MBNL3: variants seen among roughly 807,000 people sequenced by gnomAD.
MBNL3 encodes the protein muscleblind like splicing regulator 3.
In MBNL3, 6 loss-of-function variants were observed where a neutral mutation model predicts 24.5. That is an observed-to-expected ratio of 0.25 (90% CI 0.13 to 0.48). The LOEUF (loss-of-function observed/expected upper bound fraction) is 0.48. Ranked by LOEUF, MBNL3 falls within the 20% of genes least tolerant of loss-of-function variation. The pLI is 0.99. For synonymous variants in MBNL3, 100 were observed against 101.7 expected (o/e 0.98, Z 0.10); for missense variants, 230 against 293.5 (o/e 0.78, Z 1.58).
At chrX:132,438,407 A>T (rs1266660394) in intron 2 of MBNL3, among the ~76,000 whole-genome samples, 1 of 111,382 alleles carries the variant, frequency 9.0e-6, no homozygotes, top group East Asian at 2.8e-4. Context: ...ACACGAAGGG[A>T]TACATCTCTG....
At chrX:132,395,045 A>G (rs1185948890) in intron 3 of MBNL3, among the ~76,000 whole-genome samples, 1 of 111,930 alleles carries the variant, frequency 8.9e-6, no homozygotes, top group East Asian at 2.8e-4. Context: ...AATGCATTCT[A>G]TAACACTGTT....
chrX:132,389,649 G>GT (rs1180736725), intron 5 of MBNL3, among the ~76,000 whole-genome samples: 1 of 110,947 alleles, frequency 9.0e-6, no homozygotes, highest in Non-Finnish European at 1.9e-5. Context: ...GAGGTTTCCT[G>GT]TGGGTTTTGT....
chrX:132,420,652 T>C (rs1358190551), intron 2 of MBNL3, among the ~76,000 whole-genome samples: 2 of 111,022 alleles, frequency 1.8e-5, no homozygotes, highest in African/African-American at 3.3e-5. Flanking sequence ...TGAGCTAAGT[T>C]GCAAGCCCCG....
At chrX:132,437,878 A>AT (rs1355676716) in intron 2 of MBNL3, 2 of 595,316 alleles carry the variant, frequency 3.4e-6, no homozygotes, top group Non-Finnish European at 4.0e-6. Flanking sequence ...CAATTCAGAG[A>AT]TTTTCAATGG....
chrX:132,479,910 T>G (rs755040447), intron 1 of MBNL3, among the ~76,000 whole-genome samples: 38 of 111,362 alleles, frequency 3.4e-4, no homozygotes, highest in Non-Finnish European at 6.4e-4. Context: ...CGCTGTCACA[T>G]AGCCTCCTTT....
chrX:132,473,752 A>G (rs1389516730), intron 1 of MBNL3, among the ~76,000 whole-genome samples: 1 of 111,941 alleles, frequency 8.9e-6, no homozygotes, highest in Non-Finnish European at 1.9e-5. Context: ...TCCACCTAGT[A>G]TATCTTTTTT....
chrX:132,383,598 T>C (rs753577275), intron 7 of MBNL3, among the ~76,000 whole-genome samples: 35 of 112,585 alleles, frequency 3.1e-4, no homozygotes, highest in African/African-American at 1.1e-3. Flanking sequence ...ATTGTGCTCC[T>C]GTTGGTATTA....
chrX:132,386,202 TTAATC>T (rs1468740219), intron 6 of MBNL3, among the ~76,000 whole-genome samples: 1 of 112,298 alleles, frequency 8.9e-6, no homozygotes, highest in Non-Finnish European at 1.9e-5. Flanking sequence ...AACTATCTGT[TTAATC>T]TATATTATAC....
At chrX:132,487,652 C>A (rs903027525) in intron 1 of MBNL3, among the ~76,000 whole-genome samples, 10 of 112,362 alleles carry the variant, frequency 8.9e-5, no homozygotes, top group African/African-American at 2.9e-4. Flanking sequence ...CCATTTTAGT[C>A]TATATTTGAA....
intron 2 of MBNL3, among the ~76,000 whole-genome samples, chrX:132,416,116 A>C (rs1026033568): frequency 6.3e-5 from 7 of 111,939 alleles, no homozygotes; most frequent in African/African-American, 2.3e-4. Flanking sequence ...TTATTACAGC[A>C]TTATTCACAA....
At chrX:132,445,116 C>A (rs1945630179) in intron 1 of MBNL3, among the ~76,000 whole-genome samples, 1 of 111,766 alleles carries the variant, frequency 8.9e-6, no homozygotes, top group Non-Finnish European at 1.9e-5. Context: ...CATTTATCAA[C>A]CCCTGAATAA....
chrX:132,396,363 TATATATTC>T (rs1156818994), intron 3 of MBNL3, among the ~76,000 whole-genome samples: 4 of 87,670 alleles, frequency 4.6e-5, no homozygotes, highest in South Asian at 5.2e-4. Context: ...TATATTCCTA[TATATATTC>T]ATATATATTC....
intron 1 of MBNL3, among the ~76,000 whole-genome samples, chrX:132,470,827 C>T (rs919759045): frequency 2.7e-5 from 3 of 111,452 alleles, no homozygotes; most frequent in Non-Finnish European, 5.7e-5. Context: ...TATCCAGTGC[C>T]CAATCCTAGA....
rs1201757852 is a variant in MBNL3, at chrX:132,396,546, C to CTATATATTCCTA, written c.343-4224_343-4213dup. Among the ~76,000 whole-genome samples the CTATATATTCCTA allele has an allele frequency of 4.0e-3, 119 of 29,891 alleles. 2 individuals are homozygous for CTATATATTCCTA. The highest frequency in any genetic ancestry group is 5.1e-3 in the Non-Finnish European group (85 of 16,660). The allele number at this position is 29,891 out of a possible 115,157, so 26.0% of individuals were successfully genotyped here. A position where few individuals can be genotyped will look rare whatever the true frequency, so the allele number is the denominator to read the frequency against. On this transcript the variant is annotated intron_variant, in intron 3 of 8. Transcript: ENST00000370853. ...CATATATATATTCATATATATATTC[C>CTATATATTCCTA]TATATATTCCTATATATATTCCTAT...
rs754888865 is a variant in MBNL3 at position 132,377,294 on chromosome X, C to G, written c.*2372G>C. The G allele has an allele frequency of 7.2e-5, 8 of 111,605 alleles. No homozygotes were observed. Among genetic ancestry groups the G allele is most frequent in the African/African-American group, 2.6e-4 (8 of 30,799 alleles). The allele number at this position is 111,605 out of a possible 1,213,427, so 9.2% of individuals were successfully genotyped here. On this transcript the variant is annotated 3_prime_UTR_variant, in exon 9 of 9. Coordinates refer to ENST00000370853, the MANE Select transcript of MBNL3 (RefSeq NM_001386889.1). ...ATGATGAATTTCAAAAAGGCATACACTACTTTCTTCTATAGCAATGTTAAG... is the reference window on the plus strand; with the variant it reads ...ATGATGAATTTCAAAAAGGCATACAGTACTTTCTTCTATAGCAATGTTAAG...
intron 1 of MBNL3, among the ~76,000 whole-genome samples, chrX:132,444,846 A>T (rs1440439730): frequency 8.9e-6 from 1 of 112,108 alleles, no homozygotes; most frequent in East Asian, 2.8e-4. Flanking sequence ...CATGGAAGTT[A>T]TCTTGAAAGT....
Position 132,380,564 on chromosome X carries a change from G to A in MBNL3, c.1054-887C>T, listed in dbSNP as rs1934712097. Among the ~76,000 whole-genome samples the A allele has an allele frequency of 3.6e-5, 4 of 111,407 alleles. No homozygotes were observed. In the Admixed American group the frequency reaches 3.8e-4, roughly 11 times the overall value. On this transcript the variant is annotated intron_variant, in intron 8 of 8. Coordinates refer to ENST00000370853, the MANE Select transcript of MBNL3 (RefSeq NM_001386889.1). ...CGTGTGTCCTCAGCAGGAAAGAAGGGCTAGCTGGGGTCTGGGGAACTAGTT... is the reference window on the plus strand; with the variant it reads ...CGTGTGTCCTCAGCAGGAAAGAAGGACTAGCTGGGGTCTGGGGAACTAGTT...
rs754888865 is a variant in MBNL3, at chrX:132,377,294, C to T, written c.*2372G>A. The T allele has an allele frequency of 9.0e-6, 1 of 111,553 alleles. No individual in the cohort carries two copies. The highest frequency in any genetic ancestry group is 3.3e-5 in the African/African-American group (1 of 30,732). 9.2% of individuals were successfully genotyped at this position (111,553 alleles called of 1,213,427 possible). A position where few individuals can be genotyped will look rare whatever the true frequency, so the allele number is the denominator to read the frequency against. ...ATGATGAATTTCAAAAAGGCATACA[C>T]TACTTTCTTCTATAGCAATGTTAAG... On this transcript the variant is annotated 3_prime_UTR_variant, in exon 9 of 9. Transcript: ENST00000370853.
At chrX:132,487,980 G>C (rs928941578) in intron 1 of MBNL3, among the ~76,000 whole-genome samples, 1 of 111,637 alleles carries the variant, frequency 9.0e-6, no homozygotes, top group African/African-American at 3.3e-5. Context: ...ACTAAAGCAG[G>C]GAGTCCGCTT....
Sources: allele counts gnomAD v4.1 joint callset (sites outside exome capture counted in the v4.1 genomes callset), GRCh38; gene constraint gnomAD v4.1.1; transcripts MANE v1.5; gene names NCBI Gene and HGNC (gene_info 2026-07-23, HGNC 2026-07-21).